STX12: variants seen among roughly 807,000 people sequenced by gnomAD.
STX12 encodes syntaxin 12.
In STX12, 17 loss-of-function variants were observed where a neutral mutation model predicts 42.2. That is an observed-to-expected ratio of 0.40 (90% confidence interval 0.28 to 0.60). The LOEUF (loss-of-function observed/expected upper bound fraction) is 0.60. Ranked by LOEUF, STX12 falls within the 20% of genes least tolerant of loss-of-function variation. The pLI, the probability that STX12 is intolerant of heterozygous loss-of-function variation, is 0.39. For synonymous variants in STX12, 108 were observed against 116.7 expected, an observed-to-expected ratio of 0.93 and a Z score of 0.48; for missense variants, 297 against 330.9, an observed-to-expected ratio of 0.90 and a Z score of 0.79.
chr1:27,800,519 G>C (rs899580623), intron 3 of STX12, among the ~76,000 whole-genome samples: 3 of 149,702 alleles, frequency 2.0e-5, no homozygotes, highest in African/African-American at 7.5e-5. Flanking sequence ...GTGTGTGTGT[G>C]TGTGTGTGTG....
chr1:27,794,632 A>G (rs1368312696), intron 3 of STX12, among the ~76,000 whole-genome samples: 1 of 152,184 alleles, frequency 6.6e-6, no homozygotes, highest in East Asian at 1.9e-4. Context: ...TCTCCAGTAA[A>G]AAAAACTTTC....
intron 1 of STX12, among the ~76,000 whole-genome samples, chr1:27,775,720 AAG>A (rs2088624503): frequency 6.6e-6 from 1 of 152,208 alleles, no homozygotes; most frequent in Non-Finnish European, 1.5e-5. Flanking sequence ...GTATTCTGGG[AAG>A]AGAGAGATTG....
At chr1:27,822,123 G>T in intron 8 of STX12, 108 bp from the exon 9 acceptor site, 1 of 732,472 alleles carries the variant, frequency 1.4e-6, no homozygotes, top group Non-Finnish European at 2.4e-6. Context: ...CATGGATAGA[G>T]TTAATCTTTA....
In STX12 at chr1:27,822,339, ATCGTTCTCCCGCT is replaced by A; in HGVS notation, c.*11_*23del. The A allele has an allele frequency of 6.4e-7, 1 of 1,566,824 alleles. No individual in the cohort carries two copies. The highest frequency in any genetic ancestry group is 8.8e-7 in the Non-Finnish European group (1 of 1,137,014). On this transcript the variant is annotated 3_prime_UTR_variant, in exon 9 of 9. Transcript: ENST00000373943. ...TTATAAAACGAAGTGATTGCCTCCG[ATCGTTCTCCCGCT>A]GAGCTGTTTTCAAGGGCAAGTGCTT...
At chr1:27,804,597 G>A (rs987669789) in intron 4 of STX12, among the ~76,000 whole-genome samples, 8 of 151,932 alleles carry the variant, frequency 5.3e-5, no homozygotes, top group Non-Finnish European at 8.8e-5. Flanking sequence ...AGATCACAGG[G>A]TCAGGAGTTC....
chr1:27,805,240 T>A (rs1260092153), intron 4 of STX12, among the ~76,000 whole-genome samples: 1 of 152,214 alleles, frequency 6.6e-6, no homozygotes, highest in African/African-American at 2.4e-5. Context: ...TATACTGTAT[T>A]AGAAATTAAA....
chr1:27,821,160 C>T (rs977269066), intron 8 of STX12, among the ~76,000 whole-genome samples: 8 of 146,526 alleles, frequency 5.5e-5, no homozygotes, highest in South Asian at 2.1e-4. Context: ...TAAAACTTAA[C>T]GTATAATTAA....
At chr1:27,817,070 AGAAG>A (rs1557808225) in intron 6 of STX12, among the ~76,000 whole-genome samples, 1 of 149,750 alleles carries the variant, frequency 6.7e-6, no homozygotes, top group Non-Finnish European at 1.5e-5. Flanking sequence ...AAGGAAGGAA[AGAAG>A]GAAGGAAAGA....
chr1:27,784,005 C>G (rs895336065), intron 1 of STX12, among the ~76,000 whole-genome samples: 1 of 151,840 alleles, frequency 6.6e-6, no homozygotes, highest in African/African-American at 2.4e-5. Context: ...ATGGAGAAAC[C>G]CCATCTCTAC....
chr1:27,810,083 C>T, intron 4 of STX12, 163 bp from the exon 5 acceptor site: 1 of 599,806 alleles, frequency 1.7e-6, no homozygotes, highest in Non-Finnish European at 2.9e-6. Flanking sequence ...CACTTTACAC[C>T]CACTTCTTAG....
At chr1:27,797,389 T>C (rs2088794408) in intron 3 of STX12, among the ~76,000 whole-genome samples, 1 of 152,128 alleles carries the variant, frequency 6.6e-6, no homozygotes, top group Non-Finnish European at 1.5e-5. Context: ...TTTGATCCTC[T>C]TGCCTATCCC....
Position 27,812,334 on chromosome 1 carries a change from A to G in STX12, c.576+66A>G, listed in dbSNP as rs2088908756. ...TGCAGGTATCTGAACTCCTTAGTTC[A>G]CTTTAATTCTCTTAGTGATTATGAA... is the stretch of plus-strand genomic sequence containing the variant. On this transcript the variant is annotated intron_variant, in intron 6 of 8. Coordinates refer to ENST00000373943, the MANE Select transcript of STX12 (RefSeq NM_177424.3). 66 of 1,162,694 alleles carry G rather than the reference A, an allele frequency of 5.7e-5. No individual in the cohort carries two copies. The South Asian group carries it at 8.7e-4, about 15-fold the overall frequency. 72.0% of individuals were successfully genotyped at this position (1,162,694 alleles called of 1,614,324 possible).
chr1:27,821,124 A>G (rs2088980664), intron 8 of STX12, among the ~76,000 whole-genome samples: 1 of 151,692 alleles, frequency 6.6e-6, no homozygotes, highest in African/African-American at 2.4e-5. Flanking sequence ...ATATGTAACT[A>G]ACCTGCACAT....
Position 27,822,375 on chromosome 1 carries a change from C to G in STX12, c.*46C>G. ...GCTGAGCTGTTTTCAAGGGCAAGTGCTTGTTGAAGTCTTGCCAGAACAAAC... is the reference window on the plus strand; with the variant it reads ...GCTGAGCTGTTTTCAAGGGCAAGTGGTTGTTGAAGTCTTGCCAGAACAAAC... On this transcript the variant is annotated 3_prime_UTR_variant, in exon 9 of 9. Transcript: ENST00000373943. The G allele has an allele frequency of 8.1e-7, 1 of 1,230,294 alleles. No individual in the cohort carries two copies. Among genetic ancestry groups the G allele is most frequent in the Non-Finnish European group, 1.2e-6 (1 of 829,728 alleles). The allele number at this position is 1,230,294 out of a possible 1,614,324, so 76.2% of individuals were successfully genotyped here. A position where few individuals can be genotyped will look rare whatever the true frequency, so the allele number is the denominator to read the frequency against.
chr1:27,813,474 C>G (rs1358336541), intron 6 of STX12, among the ~76,000 whole-genome samples: 1 of 152,194 alleles, frequency 6.6e-6, no homozygotes, highest in Non-Finnish European at 1.5e-5. Context: ...CTGTGCCCAG[C>G]TAAAATATCC....
intron 5 of STX12, 39 bp from the exon 6 acceptor site, chr1:27,812,124 T>C: frequency 6.6e-7 from 1 of 1,509,844 alleles, no homozygotes; most frequent in Non-Finnish European, 9.0e-7. Flanking sequence ...GTTATGCCTT[T>C]GAGAGGAGAA....
chr1:27,817,813 T>G (rs1455866441), intron 6 of STX12, 38 bp from the exon 7 acceptor site: 4 of 1,571,708 alleles, frequency 2.5e-6, no homozygotes, highest in Non-Finnish European at 3.5e-6. Context: ...TTCTAACATG[T>G]TGCTTAATGT....
At chr1:27,811,964 TGA>T in intron 5 of STX12, 197 bp from the exon 6 acceptor site, 1 of 652,156 alleles carries the variant, frequency 1.5e-6, no homozygotes, top group Non-Finnish European at 2.9e-6. Context: ...CCATGGAAGC[TGA>T]GTCTTTGTTT....
At chr1:27,812,627 G>T (rs2088911813) in intron 6 of STX12, among the ~76,000 whole-genome samples, 1 of 152,030 alleles carries the variant, frequency 6.6e-6, no homozygotes, top group African/African-American at 2.4e-5. Flanking sequence ...TTTTAGTAGA[G>T]ACGGGGTTTC....
Sources: gnomAD v4.1 joint callset for allele counts (sites outside exome capture counted in the v4.1 genomes callset) on GRCh38, gnomAD v4.1.1 for gene constraint, MANE v1.5 for transcripts, NCBI Gene and HGNC (gene_info 2026-07-23, HGNC 2026-07-21) for gene names.